The following PARVB variants were observed in gnomAD, a reference collection of about 807,000 sequenced individuals.
PARVB encodes parvin beta, also known as beta-parvin.
PARVB carries 46 observed loss-of-function variants against 47.0 expected under a neutral mutation model. The observed-to-expected ratio is 0.98, with a 90% CI of 0.77 to 1.25. PARVB has a LOEUF of 1.25. Ranked by LOEUF, PARVB falls within the 50% of genes most tolerant of loss-of-function variation. The pLI, the probability that PARVB is intolerant of heterozygous loss-of-function variation, is 0.00. For missense variants in PARVB, 473 were observed against 471.6 expected (o/e 1.00, Z -0.03); for synonymous variants, 196 against 196.3 (o/e 1.00, Z 0.01).
At chr22:44,065,842 G>GGT (rs3831714) in intron 1 of PARVB, among the ~76,000 whole-genome samples, 74,345 of 144,684 alleles carry the variant, frequency 0.51, 18,394 homozygotes, top group East Asian at 0.75. Flanking sequence ...AGTATTCCAT[G>GGT]GTGTGTGTGT....
chr22:44,088,392 G>T (rs1372825853), intron 1 of PARVB, among the ~76,000 whole-genome samples: 2 of 152,160 alleles, frequency 1.3e-5, no homozygotes, highest in African/African-American at 4.8e-5. Context: ...GGTAGAACTG[G>T]CTTTAGTCCT....
intron 1 of PARVB, among the ~76,000 whole-genome samples, chr22:44,058,200 G>C (rs1044246433): frequency 3.9e-5 from 6 of 152,192 alleles, no homozygotes; most frequent in African/African-American, 1.2e-4. Flanking sequence ...AAGACCAGAA[G>C]TCCAAGATCA....
chr22:44,053,775 C>T (rs545514505), intron 1 of PARVB, among the ~76,000 whole-genome samples: 15 of 152,258 alleles, frequency 9.9e-5, no homozygotes, highest in South Asian at 4.2e-4. Context: ...TCACAGAACT[C>T]GGGGAAACAT....
At chr22:44,001,453 A>C (rs1407012418) in intron 2 of PARVB, among the ~76,000 whole-genome samples, 1 of 152,246 alleles carries the variant, frequency 6.6e-6, no homozygotes, top group Non-Finnish European at 1.5e-5. Flanking sequence ...GAACATGCTC[A>C]GAACACTTAT....
Position 44,103,979 on chromosome 22 carries a change from C to T in PARVB, c.273+3856C>T, listed in dbSNP as rs79263841. 0.019 allele frequency: 2,951 copies of T among 152,316 alleles called. 29 individuals carry two copies. The highest frequency in any genetic ancestry group is 0.03 in the Non-Finnish European group (2,010 of 68,022). The allele number at this position is 152,316 out of a possible 1,614,324, so 9.4% of individuals were successfully genotyped here. A position where few individuals can be genotyped will look rare whatever the true frequency, so the allele number is the denominator to read the frequency against. ...AGGACTGCAAGAGAATCCACTGAGC[C>T]GTTGGAAGCCCCTGGGTTTGTGTTA... On this transcript the variant is annotated intron_variant, in intron 3 of 12. Coordinates refer to ENST00000338758, the MANE Select transcript of PARVB (RefSeq NM_013327.5). This position sits in a 1 kb window ranked among gnomAD's most constrained non-coding sequence, Gnocchi z 4.6.
At chr22:44,063,885 C>G (rs1269065066) in intron 1 of PARVB, among the ~76,000 whole-genome samples, 1 of 152,168 alleles carries the variant, frequency 6.6e-6, no homozygotes, top group Non-Finnish European at 1.5e-5. Context: ...GATGTGCTCT[C>G]TGTTGCCACA....
At chr22:44,024,564 C>A in intron 1 of PARVB, 113 bp downstream of exon 1, 1 of 394,498 alleles carries the variant, frequency 2.5e-6, no homozygotes, top group Non-Finnish European at 3.7e-6. Flanking sequence ...CCCGCCCGGC[C>A]CACGCGGCTG....
intron 2 of PARVB, among the ~76,000 whole-genome samples, chr22:44,002,107 C>T (rs1431029640): frequency 6.6e-6 from 1 of 152,248 alleles, no homozygotes; most frequent in African/African-American, 2.4e-5. Flanking sequence ...CCCACAGCTG[C>T]TTTTGCATCG....
chr22:44,018,349 C>T (rs1206840050), intron 2 of PARVB, among the ~76,000 whole-genome samples: 1 of 152,178 alleles, frequency 6.6e-6, no homozygotes, highest in Non-Finnish European at 1.5e-5. Context: ...TTGCAGTGAG[C>T]TGAGGTCTTG....
intron 3 of PARVB, among the ~76,000 whole-genome samples, 152 bp from the exon 4 acceptor site, chr22:44,118,885 GC>G (rs1191084541): frequency 6.6e-6 from 1 of 152,036 alleles, no homozygotes; most frequent in Non-Finnish European, 1.5e-5. Context: ...GTGCAGCCTG[GC>G]CCCAGAGCTG....
In PARVB at chr22:44,142,408, A is replaced by T. The variant is rs1852456507; in HGVS notation, c.712+2265A>T. On this transcript the variant is annotated intron_variant, in intron 8 of 12. Coordinates refer to ENST00000338758, the MANE Select transcript of PARVB (RefSeq NM_013327.5). ...AAAAAAAAAAAAAAAAAAAAAAAAAAAAAAAAGATGACAGTGGGCCCCTCA... is the reference window on the plus strand; with the variant it reads ...AAAAAAAAAAAAAAAAAAAAAAAAATAAAAAAGATGACAGTGGGCCCCTCA... 3 of 118,650 alleles carry T rather than the reference A, an allele frequency of 2.5e-5. No homozygotes were observed. In the South Asian group the frequency reaches 9.3e-4, roughly 37 times the overall value. 7.3% of individuals were successfully genotyped at this position (118,650 alleles called of 1,614,324 possible).
intron 1 of PARVB, among the ~76,000 whole-genome samples, chr22:44,069,538 T>TTC (rs1181031136): frequency 2.0e-5 from 3 of 152,120 alleles, no homozygotes; most frequent in African/African-American, 7.2e-5. Context: ...TCTTTTTTTT[T>TTC]TCTCTCTGAG....
At chr22:44,162,445 C>T (rs906170557) in intron 11 of PARVB, among the ~76,000 whole-genome samples, 1 of 151,800 alleles carries the variant, frequency 6.6e-6, no homozygotes, top group Admixed American at 6.6e-5. Flanking sequence ...CCTCAGCCAC[C>T]CAAATAGCTG....
intron 1 of PARVB, among the ~76,000 whole-genome samples, chr22:44,028,281 CA>C (rs2050765952): frequency 6.6e-6 from 1 of 151,622 alleles, no homozygotes; most frequent in Non-Finnish European, 1.5e-5. Context: ...TCCGTTTCCC[CA>C]AATCCCTGGC....
chr22:44,076,061 G>A (rs1366010008), intron 1 of PARVB, among the ~76,000 whole-genome samples: 1 of 152,250 alleles, frequency 6.6e-6, no homozygotes, highest in Admixed American at 6.5e-5. Context: ...AGGTGGGGCC[G>A]GGACTTGGGA....
chr22:44,121,539 C>A (rs1182732329), intron 4 of PARVB, among the ~76,000 whole-genome samples: 1 of 145,186 alleles, frequency 6.9e-6, no homozygotes. Flanking sequence ...AAGTGCTTTT[C>A]TTCTCCTGTG....
At chr22:44,090,016 G>A (rs1267595595) in intron 1 of PARVB, among the ~76,000 whole-genome samples, 1 of 152,206 alleles carries the variant, frequency 6.6e-6, no homozygotes, top group Non-Finnish European at 1.5e-5. Context: ...CCTAATCACA[G>A]AGACCCTGTA....
chr22:44,011,161 A>G (rs2050518949), intron 2 of PARVB, among the ~76,000 whole-genome samples: 1 of 151,768 alleles, frequency 6.6e-6, no homozygotes, highest in African/African-American at 2.4e-5. Context: ...TTTCATAGAG[A>G]TGGACTCTTG....
At chr22:44,010,243 G>A (rs1357063944) in intron 2 of PARVB, among the ~76,000 whole-genome samples, 1 of 152,206 alleles carries the variant, frequency 6.6e-6, no homozygotes, top group East Asian at 1.9e-4. Context: ...TTTGTGGAAT[G>A]AATGAATCCA....
Sources: gnomAD v4.1 joint callset for allele counts (sites outside exome capture counted in the v4.1 genomes callset) on GRCh38, gnomAD v4.1.1 for gene constraint, Gnocchi (gnomAD v3.1) non-coding constraint, MANE v1.5 for transcripts, NCBI Gene and HGNC (gene_info 2026-07-23, HGNC 2026-07-21) for gene names.